The following BABAM2 variants were observed in gnomAD, a reference collection of about 807,000 sequenced individuals.
BABAM2 encodes BRISC and BRCA1-A complex member 2.
A neutral mutation model predicts 54.7 loss-of-function variants in BABAM2; 31 were observed. That is an observed-to-expected ratio of 0.57 (90% CI 0.43 to 0.77). The LOEUF (loss-of-function observed/expected upper bound fraction) is 0.77. Ranked by LOEUF, BABAM2 falls within the 30% of genes least tolerant of loss-of-function variation. The pLI is 0.00. For missense variants in BABAM2, 364 were observed against 455.8 expected (o/e 0.80, Z 1.83); for synonymous variants, 167 against 162.9 (o/e 1.03, Z -0.19).
At chr2:28,131,043 A>G (rs1669993288) in intron 7 of BABAM2, among the ~76,000 whole-genome samples, 1 of 146,146 alleles carries the variant, frequency 6.8e-6, no homozygotes, top group Admixed American at 7.0e-5. Flanking sequence ...GCCTGGCCCC[A>G]AAGAGTGTTT....
intron 7 of BABAM2, among the ~76,000 whole-genome samples, chr2:28,136,253 T>C (rs1024753889): frequency 1.3e-5 from 2 of 152,222 alleles, no homozygotes; most frequent in Non-Finnish European, 2.9e-5. Flanking sequence ...CATCACCTCC[T>C]CCATGGAACA....
chr2:28,254,538 A>G (rs1683794412), intron 10 of BABAM2, among the ~76,000 whole-genome samples: 1 of 151,976 alleles, frequency 6.6e-6, no homozygotes, highest in East Asian at 1.9e-4. Context: ...ATTATTGTAG[A>G]AATTTCAAGC....
At position 27,914,572 on chromosome 2, in the gene BABAM2, C is replaced by T. The variant is rs1050827267; in HGVS notation, c.129-15260C>T. ...GTGTAGGGTTGAGTATTTTTATCTT[C>T]ATTTTCCAGGAAGCTACCTTCTGTG... On this transcript the variant is annotated intron_variant, in intron 2 of 11. Coordinates refer to ENST00000379624, the MANE Select transcript of BABAM2 (RefSeq NM_199191.3). 2.6e-5 allele frequency among the ~76,000 whole-genome samples: 4 copies of T among 152,220 alleles called. No homozygotes were observed. The South Asian group carries it at 6.2e-4, about 24-fold the overall frequency.
rs1436575334 is a variant in BABAM2, at chr2:28,102,792, CAGTT to C, written c.571-26478_571-26475del. ...GAGCAATTCCAGGAATAGACTCAGT[CAGTT>C]GGTGTTTTTGAGAGAGACCATTGGA... On this transcript the variant is annotated intron_variant, in intron 6 of 11. Coordinates refer to ENST00000379624, the MANE Select transcript of BABAM2 (RefSeq NM_199191.3). 6.6e-5 allele frequency among the ~76,000 whole-genome samples: 10 copies of C among 152,314 alleles called. No homozygotes were observed. In the South Asian group the frequency reaches 2.1e-3, roughly 32 times the overall value.
At chr2:27,943,047 T>C (rs1208861027) in intron 3 of BABAM2, among the ~76,000 whole-genome samples, 1 of 152,112 alleles carries the variant, frequency 6.6e-6, no homozygotes, top group Non-Finnish European at 1.5e-5. Flanking sequence ...CACTGTGGCC[T>C]CCCAAAGTGT....
intron 7 of BABAM2, among the ~76,000 whole-genome samples, chr2:28,230,355 A>G (rs534590746): frequency 2.6e-4 from 39 of 152,302 alleles, no homozygotes; most frequent in African/African-American, 8.9e-4. Flanking sequence ...AGTTGAATCT[A>G]TAAAATGAGT....
intron 3 of BABAM2, among the ~76,000 whole-genome samples, chr2:27,933,874 C>G (rs1408517838): frequency 6.7e-6 from 1 of 149,224 alleles, no homozygotes; most frequent in Non-Finnish European, 1.5e-5. Context: ...GCTGAGACTA[C>G]AGGCACACAC....
intron 7 of BABAM2, among the ~76,000 whole-genome samples, chr2:28,170,215 T>C (rs1674171644): frequency 6.6e-6 from 1 of 152,058 alleles, no homozygotes; most frequent in African/African-American, 2.4e-5. Context: ...ATATACAGCT[T>C]GATTCTGATT....
intron 7 of BABAM2, among the ~76,000 whole-genome samples, chr2:28,155,206 T>A (rs1260597370): frequency 1.3e-5 from 2 of 152,170 alleles, no homozygotes; most frequent in Non-Finnish European, 2.9e-5. Context: ...AAAAACTACC[T>A]CAACAGCTGT....
chr2:28,173,834 G>A lies in BABAM2; in HGVS notation c.680+44454G>A, dbSNP rs1222564783. Among the ~76,000 whole-genome samples the A allele has an allele frequency of 2.0e-5, 3 of 152,194 alleles. No individual in the cohort carries two copies. In the East Asian group the frequency reaches 5.8e-4, roughly 29 times the overall value. ...CAGTGAAAAGTCCTGATAGCTTAAA[G>A]CATTCAATAGTACAGGTTGGTACAT... On this transcript the variant is annotated intron_variant, in intron 7 of 11. Transcript: ENST00000379624.
chr2:27,946,671 G>C (rs561403247), intron 3 of BABAM2, among the ~76,000 whole-genome samples: 1 of 152,070 alleles, frequency 6.6e-6, no homozygotes, highest in South Asian at 2.1e-4. Flanking sequence ...GGAGAGAGGA[G>C]AGAAGAGAGA....
intron 3 of BABAM2, among the ~76,000 whole-genome samples, chr2:27,982,854 C>G (rs942550316): frequency 6.6e-6 from 1 of 151,202 alleles, no homozygotes; most frequent in Non-Finnish European, 1.5e-5. Flanking sequence ...TACACACACA[C>G]ACACACACAC....
intron 2 of BABAM2, among the ~76,000 whole-genome samples, chr2:27,910,817 C>T (rs766564355): frequency 6.6e-6 from 1 of 152,116 alleles, no homozygotes; most frequent in Non-Finnish European, 1.5e-5. Context: ...GGTTTATCTA[C>T]TGTACTTTTG....
intron 3 of BABAM2, among the ~76,000 whole-genome samples, chr2:27,931,485 G>T (rs1474590594): frequency 6.6e-6 from 1 of 152,118 alleles, no homozygotes; most frequent in African/African-American, 2.4e-5. Flanking sequence ...GACTTCCTGC[G>T]CTGATACATG....
chr2:28,136,638 G>A (rs1670568449), intron 7 of BABAM2, among the ~76,000 whole-genome samples: 2 of 152,312 alleles, frequency 1.3e-5, no homozygotes, highest in South Asian at 2.1e-4. Flanking sequence ...CATAAGAGCG[G>A]TTTATCAACT....
At chr2:28,131,380 C>CGA in intron 7 of BABAM2, among the ~76,000 whole-genome samples, 1 of 101,728 alleles carries the variant, frequency 9.8e-6, no homozygotes, top group Admixed American at 9.8e-5. Flanking sequence ...CGCGCCCGGC[C>CGA]TATTATTTTT....
At chr2:27,961,779 G>T (rs544479141) in intron 3 of BABAM2, among the ~76,000 whole-genome samples, 67 of 142,350 alleles carry the variant, frequency 4.7e-4, no homozygotes, top group Admixed American at 8.6e-4. Flanking sequence ...CCAGGCTGGA[G>T]TGCAGTGGTG....
At chr2:27,977,833 C>T (rs941412500) in intron 3 of BABAM2, among the ~76,000 whole-genome samples, 5 of 152,056 alleles carry the variant, frequency 3.3e-5, no homozygotes, top group African/African-American at 4.8e-5. Context: ...GAGGTGACTC[C>T]TAGTGGGGTT....
intron 6 of BABAM2, among the ~76,000 whole-genome samples, chr2:28,091,201 G>A (rs1410632841): frequency 6.6e-6 from 1 of 152,004 alleles, no homozygotes; most frequent in Non-Finnish European, 1.5e-5. Context: ...AATAAAAATG[G>A]GGCCTTATGC....
Sources: allele counts gnomAD v4.1 joint callset (sites outside exome capture counted in the v4.1 genomes callset), GRCh38; gene constraint gnomAD v4.1.1; transcripts MANE v1.5; gene names NCBI Gene and HGNC (gene_info 2026-07-23, HGNC 2026-07-21).